Variants in HNRNPM observed in about 807,000 individuals in gnomAD.
HNRNPM encodes CEA receptor.
A neutral mutation model predicts 73.1 loss-of-function variants in HNRNPM; 11 were observed. The ratio of observed to expected loss-of-function variants is 0.15; its 90% CI spans 0.09 to 0.25. The LOEUF is 0.25. HNRNPM is among the 10% of genes least tolerant of loss of function. The pLI, the probability that HNRNPM is intolerant of heterozygous loss-of-function variation, is 1.00. For missense variants in HNRNPM, 789 were observed against 1,067.9 expected (o/e 0.74, Z 3.64); for synonymous variants, 407 against 355.2 (o/e 1.15, Z -1.64).
intron 12 of HNRNPM, chr19:8,481,475 C>T (rs1458440439): frequency 6.7e-6 from 1 of 149,496 alleles, no homozygotes; most frequent in Non-Finnish European, 1.5e-5. Flanking sequence ...GTGGGGAGGC[C>T]TGTGAATGCC....
intron 13 of HNRNPM, among the ~76,000 whole-genome samples, 173 bp from the exon 14 acceptor site, chr19:8,485,430 A>G (rs1971206806): frequency 1.3e-5 from 2 of 152,220 alleles, no homozygotes; most frequent in South Asian, 2.1e-4. Context: ...GGAGGCCCCC[A>G]TGTGCCCACC....
At chr19:8,472,919 C>T (rs965320032) in intron 10 of HNRNPM, among the ~76,000 whole-genome samples, 1 of 152,178 alleles carries the variant, frequency 6.6e-6, no homozygotes, top group Non-Finnish European at 1.5e-5. Context: ...CTTCTGTTCC[C>T]TAAAATTTTC....
At chr19:8,473,834 A>G in intron 11 of HNRNPM, 126 bp downstream of exon 11, 2 of 684,872 alleles carry the variant, frequency 2.9e-6, no homozygotes, top group South Asian at 3.8e-5. Flanking sequence ...TCTAGAAATG[A>G]CTTCCTCCTG....
chr19:8,471,772 C>A (rs1456107619), intron 10 of HNRNPM, among the ~76,000 whole-genome samples: 2 of 152,128 alleles, frequency 1.3e-5, no homozygotes, highest in Admixed American at 1.3e-4. Flanking sequence ...ACCACGGGAC[C>A]ATAGCACTGC....
intron 1 of HNRNPM, among the ~76,000 whole-genome samples, chr19:8,451,196 C>T (rs990643902): frequency 5.3e-5 from 8 of 152,180 alleles, no homozygotes; most frequent in Middle Eastern, 3.4e-3. Context: ...CGTGAGCCAC[C>T]GTGCCTGGCC....
At position 8,467,598 on chromosome 19, in the gene HNRNPM, A is replaced by G; in HGVS notation, c.834+14A>G. 1.8e-5 allele frequency: 29 copies of G among 1,593,720 alleles called. No homozygotes were observed. Among genetic ancestry groups the G allele is most frequent in the Non-Finnish European group, 2.3e-5 (27 of 1,161,438 alleles). On this transcript the variant is annotated intron_variant, in intron 8 of 15. Transcript: ENST00000325495. ...CACGTCAAGATGGTAAGTCAGTAGG[A>G]TCTTTCTCTGTGATATACTCAAGTC...
At chr19:8,456,870 C>T (rs1969063266) in intron 2 of HNRNPM, among the ~76,000 whole-genome samples, 1 of 152,154 alleles carries the variant, frequency 6.6e-6, no homozygotes, top group African/African-American at 2.4e-5. Flanking sequence ...GCCAATGCTC[C>T]TAGGGCAAGA....
Position 8,485,940 on chromosome 19 carries a change from G to C in HNRNPM, c.1512G>C (p.Val504=). The change falls in exon 14 of 16, where the codon GTG becomes GTC. Residue 504 remains valine (V), a synonymous_variant. Transcript: ENST00000325495. The part of the protein sequence containing the change: ...LERMAAPIDR[V]GQTIERMGSG... ...GCATGGCCGCTCCCATCGACCGTGT[G>C]GGCCAGACCATTGAGCGCATGGGCT... 1.2e-6 allele frequency: 2 copies of C among 1,606,118 alleles called. No individual in the cohort carries two copies. The highest frequency in any genetic ancestry group is 1.7e-6 in the Non-Finnish European group (2 of 1,179,384).
intron 12 of HNRNPM, among the ~76,000 whole-genome samples, chr19:8,478,239 G>T (rs939698726): frequency 8.5e-5 from 13 of 152,272 alleles, no homozygotes; most frequent in Admixed American, 1.3e-4. Context: ...CAGTGACTTT[G>T]TTTTTTAGGG....
At position 8,455,459 on chromosome 19, in the gene HNRNPM, A is replaced by G. The variant is rs1392146914; in HGVS notation, c.168A>G (p.Arg56=). ...AGAGGAAGGAGAAAAACATAAAAAG[A>G]GGAGGCAATCGCTTTGAGCCATATG... ...NEKRKEKNIK[R]GGNRFEPYAN... Residue 56 remains arginine (R), a synonymous_variant, in exon 2 of 16, where the codon AGA becomes AGG. Transcript: ENST00000325495. The G allele has an allele frequency of 6.8e-6, 11 of 1,613,984 alleles. No homozygotes were observed. Among genetic ancestry groups the G allele is most frequent in the Non-Finnish European group, 9.3e-6 (11 of 1,179,942 alleles).
Position 8,471,314 on chromosome 19 carries a change from T to G in HNRNPM, c.896-12T>G, listed in dbSNP as rs1970120534. On this transcript the variant is annotated splice_polypyrimidine_tract_variant and intron_variant, in intron 9 of 15. Coordinates refer to ENST00000325495, the MANE Select transcript of HNRNPM (RefSeq NM_005968.5). ...TAGGGGAAAACTAAGCTTCTTTCTCTTTTCTTTCCAGATGGCCTTGGTGGT... is the reference window on the plus strand; with the variant it reads ...TAGGGGAAAACTAAGCTTCTTTCTCGTTTCTTTCCAGATGGCCTTGGTGGT... 6 of 1,531,032 alleles carry G rather than the reference T, an allele frequency of 3.9e-6. No individual in the cohort carries two copies. The highest frequency in any genetic ancestry group is 1.4e-5 in the African/African-American group (1 of 71,220). 94.8% of individuals were successfully genotyped at this position (1,531,032 alleles called of 1,614,324 possible). A position where few individuals can be genotyped will look rare whatever the true frequency, so the allele number is the denominator to read the frequency against.
Position 8,488,893 on chromosome 19 carries a change from A to T in HNRNPM, c.*39A>T, listed in dbSNP as rs1470030735. ...TTAAACATCGATACGAGACCTCTGAATTTGTATTTTTTCTTGTTAACCATT... is the reference window on the plus strand; with the variant it reads ...TTAAACATCGATACGAGACCTCTGATTTTGTATTTTTTCTTGTTAACCATT... On this transcript the variant is annotated 3_prime_UTR_variant, in exon 16 of 16. Transcript: ENST00000325495. 3 of 1,528,374 alleles carry T rather than the reference A, an allele frequency of 2.0e-6. No homozygotes were observed. The highest frequency in any genetic ancestry group is 3.9e-5 in the Admixed American group (2 of 51,260). 94.7% of individuals were successfully genotyped at this position (1,528,374 alleles called of 1,614,324 possible).
chr19:8,453,503 A>T (rs1968776054), intron 1 of HNRNPM, among the ~76,000 whole-genome samples: 1 of 152,188 alleles, frequency 6.6e-6, no homozygotes, highest in Admixed American at 6.5e-5. Flanking sequence ...TCTTCCACGG[A>T]AGAAAGTTAC....
At position 8,467,593 on chromosome 19, in the gene HNRNPM, G is replaced by GT. The variant is rs1329065539; in HGVS notation, c.834+10dup. The GT allele has an allele frequency of 6.3e-7, 1 of 1,598,676 alleles. No individual in the cohort carries two copies. Among genetic ancestry groups the GT allele is most frequent in the Non-Finnish European group, 8.6e-7 (1 of 1,166,012 alleles). On this transcript the variant is annotated intron_variant, in intron 8 of 15. Coordinates refer to ENST00000325495, the MANE Select transcript of HNRNPM (RefSeq NM_005968.5). ...CAATGCACGTCAAGATGGTAAGTCA[G>GT]TAGGATCTTTCTCTGTGATATACTC...
intron 5 of HNRNPM, 112 bp from the exon 6 acceptor site, chr19:8,465,212 G>T: frequency 1.2e-6 from 1 of 833,862 alleles, no homozygotes. Context: ...TTTGAGAGAT[G>T]CTTTCCAAAC....
Position 8,486,921 on chromosome 19 carries a change from C to T in HNRNPM, c.1978-103C>T, listed in dbSNP as rs778776951. 46 of 887,936 alleles carry T rather than the reference C, an allele frequency of 5.2e-5. No homozygotes were observed. In the Middle Eastern group the frequency reaches 6.2e-3, roughly 120 times the overall value. 55.0% of individuals were successfully genotyped at this position (887,936 alleles called of 1,614,324 possible). On this transcript the variant is annotated intron_variant, in intron 14 of 15. Coordinates refer to ENST00000325495, the MANE Select transcript of HNRNPM (RefSeq NM_005968.5). The stretch of plus-strand genomic sequence containing the variant: ...TCAGTCTGAAGGGCAGCCAGCTTCT[C>T]GGTATAGTGAGAAATCTAGCATGGC...
chr19:8,468,663 G>A, intron 8 of HNRNPM, 111 bp from the exon 9 acceptor site: 2 of 776,892 alleles, frequency 2.6e-6, no homozygotes, highest in Non-Finnish European at 2.3e-6. Flanking sequence ...TCCATGGCGT[G>A]GATAATGTGT....
chr19:8,465,525 C>G lies in HNRNPM; in HGVS notation c.630+10C>G. 1 of 1,567,516 alleles carries G rather than the reference C, an allele frequency of 6.4e-7. No individual in the cohort carries two copies. The highest frequency in any genetic ancestry group is 8.7e-7 in the Non-Finnish European group (1 of 1,147,046). ...AGTATTTGTAGCAAATGTAAGTAAA[C>G]AGAACCATCGTCTAAAGTAGAAAAT... On this transcript the variant is annotated intron_variant, in intron 6 of 15. Coordinates refer to ENST00000325495, the MANE Select transcript of HNRNPM (RefSeq NM_005968.5).
At chr19:8,485,466 T>G in intron 13 of HNRNPM, 137 bp from the exon 14 acceptor site, 1 of 872,530 alleles carries the variant, frequency 1.1e-6, no homozygotes, top group Non-Finnish European at 1.8e-6. Context: ...TTGTCAACAT[T>G]TGAGGGGTGT....
Sources: gnomAD v4.1 joint callset for allele counts (sites outside exome capture counted in the v4.1 genomes callset) on GRCh38, gnomAD v4.1.1 for gene constraint, MANE v1.5 for transcripts, NCBI Gene and HGNC (gene_info 2026-07-23, HGNC 2026-07-21) for gene names.